The following GRM8 variants were observed in gnomAD, a reference collection of about 807,000 sequenced individuals.
The protein encoded by GRM8 is metabotropic glutamate receptor 8.
A neutral mutation model predicts 87.2 loss-of-function variants in GRM8; 47 were observed. The ratio of observed to expected loss-of-function variants is 0.54; its 90% CI spans 0.43 to 0.69. The LOEUF (loss-of-function observed/expected upper bound fraction) is 0.69, where lower values mean the gene tolerates loss of function less well. GRM8 is among the 30% of genes least tolerant of loss of function. GRM8 has a pLI of 0.00. For synonymous variants in GRM8, 396 were observed against 404.5 expected (o/e 0.98, Z 0.25); for missense variants, 1,019 against 1,139.2 (o/e 0.89, Z 1.52).
intron 8 of GRM8, among the ~76,000 whole-genome samples, chr7:126,551,513 C>G (rs1792580739): frequency 6.6e-6 from 1 of 152,134 alleles, no homozygotes; most frequent in Non-Finnish European, 1.5e-5. Flanking sequence ...TACTTATGAA[C>G]TAGAACATTT....
At chr7:127,213,543 C>T (rs1387212299) in intron 2 of GRM8, among the ~76,000 whole-genome samples, 1 of 152,164 alleles carries the variant, frequency 6.6e-6, no homozygotes, top group Non-Finnish European at 1.5e-5. Context: ...GGCTCTCTTT[C>T]CCTGACTCCA....
intron 3 of GRM8, among the ~76,000 whole-genome samples, chr7:126,974,954 A>AAC (rs1810827925): frequency 6.7e-6 from 1 of 149,534 alleles, no homozygotes; most frequent in Non-Finnish European, 1.5e-5. Context: ...AAAAAAAAAA[A>AAC]AAAAAAAAAA....
chr7:126,479,184 T>C (rs1275847817), intron 9 of GRM8, among the ~76,000 whole-genome samples: 1 of 152,130 alleles, frequency 6.6e-6, no homozygotes. Context: ...GTTGGTAAAC[T>C]GAATTACTTT....
intron 3 of GRM8, among the ~76,000 whole-genome samples, chr7:127,028,135 T>C (rs1465791671): frequency 1.3e-5 from 2 of 152,226 alleles, no homozygotes; most frequent in African/African-American, 4.8e-5. Context: ...TTATGTTTAT[T>C]GATTTTTGAA....
chr7:126,471,753 T>C (rs981054894), intron 9 of GRM8, among the ~76,000 whole-genome samples: 1 of 151,946 alleles, frequency 6.6e-6, no homozygotes, highest in East Asian at 1.9e-4. Flanking sequence ...TTGATGGGGA[T>C]GGCATTGAAT....
intron 7 of GRM8, among the ~76,000 whole-genome samples, chr7:126,735,148 A>T (rs915569950): frequency 6.6e-6 from 1 of 152,108 alleles, no homozygotes; most frequent in African/African-American, 2.4e-5. Flanking sequence ...AGGGCAAGTA[A>T]CACCAAATAT....
chr7:127,171,330 G>T (rs1220118059), intron 2 of GRM8, among the ~76,000 whole-genome samples: 2 of 152,192 alleles, frequency 1.3e-5, no homozygotes, highest in African/African-American at 4.8e-5. Context: ...TTTAGAAAAT[G>T]ACATAAACTT....
chr7:126,736,951 C>T (rs537715665), intron 7 of GRM8, among the ~76,000 whole-genome samples: 17 of 152,194 alleles, frequency 1.1e-4, no homozygotes. Context: ...CGAACTCCAT[C>T]TTGCTTCTAA....
intron 8 of GRM8, among the ~76,000 whole-genome samples, chr7:126,571,618 T>C (rs1427653582): frequency 2.6e-5 from 4 of 152,106 alleles, no homozygotes; most frequent in African/African-American, 9.7e-5. Context: ...TATTTCCCAC[T>C]CTCCTTTGAT....
intron 7 of GRM8, among the ~76,000 whole-genome samples, chr7:126,632,876 G>A (rs1237071120): frequency 1.3e-5 from 2 of 152,062 alleles, no homozygotes; most frequent in East Asian, 3.9e-4. Context: ...ACTGGGGCCT[G>A]TCAGATGGTA....
chr7:126,792,278 T>C (rs1821432075), intron 6 of GRM8, among the ~76,000 whole-genome samples: 1 of 152,204 alleles, frequency 6.6e-6, no homozygotes, highest in African/African-American at 2.4e-5. Context: ...CCAATAGCTA[T>C]TGCTCCTGGA....
At chr7:127,133,337 G>A (rs1188200660) in intron 2 of GRM8, among the ~76,000 whole-genome samples, 3 of 151,264 alleles carry the variant, frequency 2.0e-5, no homozygotes, top group Non-Finnish European at 4.4e-5. Context: ...AGAATCGCTT[G>A]AACCTGGGAG....
At chr7:126,813,226 A>C (rs1207240001) in intron 6 of GRM8, among the ~76,000 whole-genome samples, 3 of 152,090 alleles carry the variant, frequency 2.0e-5, no homozygotes, top group Admixed American at 6.6e-5. Flanking sequence ...AAGCCCATAC[A>C]AAAACTGATA....
At chr7:126,643,844 T>C (rs1185934513) in intron 7 of GRM8, among the ~76,000 whole-genome samples, 1 of 152,128 alleles carries the variant, frequency 6.6e-6, no homozygotes, top group Non-Finnish European at 1.5e-5. Context: ...AGTGAAGAGG[T>C]CAAGATCAGA....
chr7:126,633,263 A>T (rs1048336003), intron 7 of GRM8, among the ~76,000 whole-genome samples: 10 of 152,086 alleles, frequency 6.6e-5, no homozygotes, highest in Non-Finnish European at 1.5e-4. Flanking sequence ...TGGTTCTGTA[A>T]AAAACAAACA....
intron 2 of GRM8, among the ~76,000 whole-genome samples, chr7:127,221,547 C>T (rs987577388): frequency 6.6e-6 from 1 of 152,228 alleles, no homozygotes; most frequent in African/African-American, 2.4e-5. Flanking sequence ...CAAGGAAGAA[C>T]ACACCCTGCT....
chr7:126,692,807 G>A (rs916997717), intron 7 of GRM8, among the ~76,000 whole-genome samples: 1 of 152,088 alleles, frequency 6.6e-6, no homozygotes, highest in Non-Finnish European at 1.5e-5. Flanking sequence ...TATTCCTTAG[G>A]GAGTTGATTC....
At chr7:127,131,549 G>A (rs905226314) in intron 2 of GRM8, among the ~76,000 whole-genome samples, 9 of 152,184 alleles carry the variant, frequency 5.9e-5, no homozygotes, top group Admixed American at 5.9e-4. Flanking sequence ...GATAACGAGG[G>A]CTTCCTTGTA....
chr7:127,139,555 CTT>C (rs779524628), intron 2 of GRM8, among the ~76,000 whole-genome samples: 41 of 152,148 alleles, frequency 2.7e-4, no homozygotes, highest in Non-Finnish European at 5.0e-4. Context: ...AGAGCAAAGA[CTT>C]TAAGTTTCAG....
Sources: gnomAD v4.1 joint callset for allele counts (sites outside exome capture counted in the v4.1 genomes callset) on GRCh38, gnomAD v4.1.1 for gene constraint, MANE v1.5 for transcripts, NCBI Gene and HGNC (gene_info 2026-07-23, HGNC 2026-07-21) for gene names.